Variants in DLGAP2 observed in about 807,000 individuals in gnomAD.
DLGAP2 encodes the protein disks large-associated protein 2.
In DLGAP2, 26 loss-of-function variants were observed where a neutral mutation model predicts 100.3. The observed-to-expected ratio is 0.26, with a 90% CI of 0.19 to 0.36. DLGAP2 has a LOEUF of 0.36. Among genes scored for constraint, DLGAP2 ranks in the 10% least tolerant of loss-of-function variants. DLGAP2 has a pLI of 1.00. For missense variants in DLGAP2, 1,858 were observed against 1,453.2 expected (o/e 1.28, Z -4.53); for synonymous variants, 886 against 630.1 (o/e 1.41, Z -6.08).
chr8:1,677,902 G>C (rs909414656), intron 11 of DLGAP2, among the ~76,000 whole-genome samples: 1 of 152,208 alleles, frequency 6.6e-6, no homozygotes, highest in Non-Finnish European at 1.5e-5. Context: ...ATTTCTGAAA[G>C]GGAGGTAGCC....
At chr8:746,293 C>T (rs184449548) in intron 1 of DLGAP2, among the ~76,000 whole-genome samples, 51 of 152,368 alleles carry the variant, frequency 3.3e-4, no homozygotes, top group South Asian at 2.7e-3. Flanking sequence ...ATGTGCTGGG[C>T]ACTGCTGGGC....
intron 3 of DLGAP2, among the ~76,000 whole-genome samples, chr8:1,493,964 G>A (rs149132020): frequency 1.2e-4 from 19 of 152,366 alleles, no homozygotes; most frequent in African/African-American, 4.1e-4. Context: ...TGGTGGGAAC[G>A]TGTTGTATCT....
intron 2 of DLGAP2, among the ~76,000 whole-genome samples, chr8:1,105,742 C>G (rs1280010959): frequency 2.0e-5 from 3 of 146,606 alleles, no homozygotes; most frequent in Non-Finnish European, 4.5e-5. Context: ...GGGGGCCATT[C>G]TAGGAGGGTT....
At position 1,013,669 on chromosome 8, in the gene DLGAP2, C is replaced by CTG. The variant is rs1169636160; in HGVS notation, c.73+105708_73+105709dup. On this transcript the variant is annotated intron_variant, in intron 2 of 14. Transcript: ENST00000637795. ...TGTGTGACCAGGACAGACGCCTCCA[C>CTG]TGTGTGAGACCAGGACAGACGATGC... Among the ~76,000 whole-genome samples the CTG allele has an allele frequency of 6.5e-4, 74 of 113,800 alleles. 1 individual carries two copies. The highest frequency in any genetic ancestry group is 4.5e-3 in the Middle Eastern group (1 of 224). The allele number at this position is 113,800 out of a possible 152,430, so 74.7% of individuals were successfully genotyped here.
At chr8:769,023 G>C (rs1161250528) in intron 1 of DLGAP2, among the ~76,000 whole-genome samples, 2 of 152,076 alleles carry the variant, frequency 1.3e-5, no homozygotes, top group Non-Finnish European at 2.9e-5. Flanking sequence ...GTGACACCAA[G>C]GGATTGTTTC....
chr8:1,335,717 C>T (rs367985084), intron 3 of DLGAP2, among the ~76,000 whole-genome samples: 19 of 152,298 alleles, frequency 1.2e-4, no homozygotes, highest in South Asian at 1.0e-3. Flanking sequence ...GGACGCAGGA[C>T]GCCCAGGGAA....
chr8:1,133,528 A>G (rs1260784990), intron 2 of DLGAP2, among the ~76,000 whole-genome samples: 1 of 152,174 alleles, frequency 6.6e-6, no homozygotes, highest in African/African-American at 2.4e-5. Context: ...TCAGAAATAG[A>G]TTTCTGAAAC....
At chr8:1,007,351 T>C (rs557591326) in intron 2 of DLGAP2, among the ~76,000 whole-genome samples, 1 of 152,332 alleles carries the variant, frequency 6.6e-6, no homozygotes, top group African/African-American at 2.4e-5. Context: ...CTCTGGTGAC[T>C]TCTGTGTGCT....
chr8:1,368,619 G>C (rs1214879499), intron 3 of DLGAP2: 1 of 152,212 alleles, frequency 6.6e-6, no homozygotes, highest in African/African-American at 2.4e-5. Flanking sequence ...AATCTTTCAA[G>C]ATGACTAAGA....
chr8:1,364,464 C>T (rs1251594401), intron 3 of DLGAP2, among the ~76,000 whole-genome samples: 3 of 140,176 alleles, frequency 2.1e-5, no homozygotes, highest in Non-Finnish European at 4.6e-5. Context: ...GAAAGGGCAC[C>T]GCTGCGAGAG....
chr8:879,341 A>G (rs921771900), intron 1 of DLGAP2, among the ~76,000 whole-genome samples: 1 of 152,218 alleles, frequency 6.6e-6, no homozygotes, highest in African/African-American at 2.4e-5. Flanking sequence ...CACCGAAATG[A>G]CACTGTCTGC....
At chr8:877,457 A>G (rs893651042) in intron 1 of DLGAP2, among the ~76,000 whole-genome samples, 9 of 152,204 alleles carry the variant, frequency 5.9e-5, no homozygotes, top group South Asian at 4.1e-4. Flanking sequence ...TGACAGTGGT[A>G]TGGGCAGGCT....
chr8:1,473,153 A>C (rs2130209926), intron 3 of DLGAP2, among the ~76,000 whole-genome samples: 1 of 152,188 alleles, frequency 6.6e-6, no homozygotes, highest in Middle Eastern at 3.4e-3. Context: ...CTGGTCTTAA[A>C]CCCCTGACCT....
chr8:1,005,718 C>T (rs1563139789), intron 2 of DLGAP2, among the ~76,000 whole-genome samples: 2 of 152,060 alleles, frequency 1.3e-5, no homozygotes, highest in African/African-American at 2.4e-5. Context: ...CCGCTCCTAG[C>T]CCTACATCCC....
intron 2 of DLGAP2, among the ~76,000 whole-genome samples, chr8:920,086 G>A (rs891867817): frequency 2.0e-5 from 3 of 152,176 alleles, no homozygotes; most frequent in Non-Finnish European, 2.9e-5. Context: ...GGAGGAGAGA[G>A]GTCCAGGGAA....
intron 1 of DLGAP2, among the ~76,000 whole-genome samples, chr8:868,314 T>A (rs1042181331): frequency 6.6e-6 from 1 of 152,238 alleles, no homozygotes; most frequent in South Asian, 2.1e-4. Flanking sequence ...GTGTTGCTGT[T>A]GATCCTGTTC....
chr8:952,816 C>G (rs74520862), intron 2 of DLGAP2, among the ~76,000 whole-genome samples: 431 of 152,210 alleles, frequency 2.8e-3, no homozygotes, highest in African/African-American at 9.4e-3. Context: ...CATGTGGAGT[C>G]TCATGTTTGC....
chr8:1,679,377 T>A (rs1166212690), intron 12 of DLGAP2, among the ~76,000 whole-genome samples: 1 of 89,244 alleles, frequency 1.1e-5, no homozygotes, highest in Non-Finnish European at 2.2e-5. Context: ...GTCATTCCTC[T>A]ACGGGAGTCA....
At chr8:775,429 G>T (rs1585849878) in intron 1 of DLGAP2, among the ~76,000 whole-genome samples, 1 of 143,784 alleles carries the variant, frequency 7.0e-6, no homozygotes, top group South Asian at 2.3e-4. Flanking sequence ...TCTTGTGCCA[G>T]TTTTCAAAGG....
Sources: allele counts gnomAD v4.1 joint callset (sites outside exome capture counted in the v4.1 genomes callset), GRCh38; gene constraint gnomAD v4.1.1; transcripts MANE v1.5; gene names NCBI Gene and HGNC (gene_info 2026-07-23, HGNC 2026-07-21).